COL4A2: variants seen among roughly 807,000 people sequenced by gnomAD.
COL4A2 encodes collagen alpha-2(IV) chain.
A neutral mutation model predicts 200.2 loss-of-function variants in COL4A2; 99 were observed. The observed-to-expected ratio is 0.49, with a 90% CI of 0.42 to 0.58. The LOEUF is 0.58. Ranked by LOEUF, COL4A2 falls within the 20% of genes least tolerant of loss-of-function variation. COL4A2 has a pLI of 0.00. For synonymous variants in COL4A2, 897 were observed against 900.6 expected (o/e 1.00, Z 0.07); for missense variants, 1,950 against 2,314.1 (o/e 0.84, Z 3.23).
chr13:110,457,416 C>T lies in COL4A2; in HGVS notation c.1413C>T (p.Arg471=), dbSNP rs1286043756. ...FPGLPGSPGA[R]GPKGWKGDAG... ...GGCTTCCCGGCTCCCCTGGAGCCCGCGGACCAAAGGGGTGGAAAGGTAAGA... is the reference window on the plus strand; with the variant it reads ...GGCTTCCCGGCTCCCCTGGAGCCCGTGGACCAAAGGGGTGGAAAGGTAAGA... The change falls in exon 21 of 48, where the codon CGC becomes CGT. Residue 471 remains arginine, a synonymous_variant. Coordinates refer to ENST00000360467, the MANE Select transcript of COL4A2 (RefSeq NM_001846.4). The T allele has an allele frequency of 1.1e-5, 17 of 1,605,932 alleles. No individual in the cohort carries two copies. The highest frequency in any genetic ancestry group is 4.0e-5 in the African/African-American group (3 of 74,718).
chr13:110,466,240 T>C (rs968419923), intron 26 of COL4A2, among the ~76,000 whole-genome samples, 178 bp downstream of exon 26: 2 of 152,182 alleles, frequency 1.3e-5, no homozygotes, highest in Admixed American at 1.3e-4. Flanking sequence ...AATGACAACC[T>C]GGTAGAGACG....
At chr13:110,326,186 A>G (rs1885406557) in intron 3 of COL4A2, among the ~76,000 whole-genome samples, 1 of 152,186 alleles carries the variant, frequency 6.6e-6, no homozygotes, top group Non-Finnish European at 1.5e-5. Context: ...CATCTCCATC[A>G]GTCCCTGTGG....
At chr13:110,501,026 A>G (rs954247230) in intron 40 of COL4A2, among the ~76,000 whole-genome samples, 4 of 152,198 alleles carry the variant, frequency 2.6e-5, no homozygotes, top group Non-Finnish European at 4.4e-5. Context: ...CTGCAGCAAG[A>G]AGGCAGGAGC....
chr13:110,501,381 A>G (rs1266411206), intron 40 of COL4A2, among the ~76,000 whole-genome samples: 2 of 152,132 alleles, frequency 1.3e-5, no homozygotes, highest in Non-Finnish European at 2.9e-5. Flanking sequence ...ATGATCGGGC[A>G]GCGCCTTGGG....
intron 30 of COL4A2, among the ~76,000 whole-genome samples, chr13:110,479,034 C>A (rs935206940): frequency 6.6e-6 from 1 of 152,216 alleles, no homozygotes; most frequent in African/African-American, 2.4e-5. Context: ...TGTCCAAGAG[C>A]TGGGGGCTGG....
At position 110,328,751 on chromosome 13, in the gene COL4A2, C is replaced by T. The variant is rs74124291; in HGVS notation, c.99+20628C>T. On this transcript the variant is annotated intron_variant, in intron 3 of 47. Transcript: ENST00000360467. ...GACGCCCAGAGAGACGGGCGGGCTC[C>T]GTCACCCAGCAGCGTCTCCTAGCAG... 3.3e-3 allele frequency among the ~76,000 whole-genome samples: 510 copies of T among 152,300 alleles called. 2 individuals carry two copies. Among genetic ancestry groups the T allele is most frequent in the African/African-American group, 0.011 (447 of 41,568 alleles).
At chr13:110,409,257 CT>C (rs1333963596) in intron 4 of COL4A2, among the ~76,000 whole-genome samples, 9 of 152,186 alleles carry the variant, frequency 5.9e-5, no homozygotes, top group Non-Finnish European at 1.0e-4. Flanking sequence ...ACGGGTGAAG[CT>C]TTCTAGGAAT....
At chr13:110,378,528 G>T (rs966127329) in intron 4 of COL4A2, among the ~76,000 whole-genome samples, 4 of 152,288 alleles carry the variant, frequency 2.6e-5, no homozygotes, top group Middle Eastern at 3.4e-3. Flanking sequence ...GAAAGATTCT[G>T]GAATTACAGC....
chr13:110,321,208 G>A (rs200201503), intron 3 of COL4A2, among the ~76,000 whole-genome samples: 204 of 146,668 alleles, frequency 1.4e-3, no homozygotes, highest in East Asian at 6.7e-3. Context: ...GTGTCTGTGT[G>A]TATATATATA....
At chr13:110,337,130 G>A (rs1261813508) in intron 3 of COL4A2, among the ~76,000 whole-genome samples, 1 of 152,198 alleles carries the variant, frequency 6.6e-6, no homozygotes, top group East Asian at 1.9e-4. Flanking sequence ...TATAATATAT[G>A]CTCACTGCAT....
chr13:110,340,412 A>G (rs1242283626), intron 3 of COL4A2, among the ~76,000 whole-genome samples: 1 of 152,248 alleles, frequency 6.6e-6, no homozygotes, highest in African/African-American at 2.4e-5. Context: ...CATGGTCCTC[A>G]TGTAAGCTGA....
chr13:110,478,892 C>G (rs972222672), intron 30 of COL4A2, among the ~76,000 whole-genome samples: 2 of 152,252 alleles, frequency 1.3e-5, no homozygotes, highest in African/African-American at 4.8e-5. Flanking sequence ...TGGAAACTCT[C>G]AATCTTACTA....
chr13:110,413,370 G>A (rs746418438), intron 4 of COL4A2, among the ~76,000 whole-genome samples: 41 of 152,184 alleles, frequency 2.7e-4, no homozygotes, highest in South Asian at 2.1e-4. Context: ...GCGGTCTCAC[G>A]TGAAATGTGG....
chr13:110,469,359 G>A, intron 28 of COL4A2, 35 bp downstream of exon 28: 3 of 1,547,608 alleles, frequency 1.9e-6, no homozygotes, highest in Non-Finnish European at 2.6e-6. Flanking sequence ...CAGCCCCTGG[G>A]TTCCAGCGGG....
At chr13:110,482,977 C>T (rs1419834621) in intron 32 of COL4A2, among the ~76,000 whole-genome samples, 5 of 152,110 alleles carry the variant, frequency 3.3e-5, no homozygotes, top group South Asian at 2.1e-4. Context: ...GAAGAGGGGG[C>T]GGTGAAAAGC....
At position 110,388,041 on chromosome 13, in the gene COL4A2, G is replaced by C. The variant is rs376454123; in HGVS notation, c.180+30489G>C. Reference sequence around the variant, plus strand: ...CTGCATGACTGAAAATGGACTAAATGATGATTATGTTAAGAAGACTTGACA... The same window carrying C: ...CTGCATGACTGAAAATGGACTAAATCATGATTATGTTAAGAAGACTTGACA... On this transcript the variant is annotated intron_variant, in intron 4 of 47. Transcript: ENST00000360467. Among the ~76,000 whole-genome samples, 21 of 152,252 alleles carry C rather than the reference G, an allele frequency of 1.4e-4. 1 individual carries two copies. Among genetic ancestry groups the C allele is most frequent in the East Asian group, 9.6e-4 (5 of 5,182 alleles).
intron 22 of COL4A2, among the ~76,000 whole-genome samples, chr13:110,461,491 T>C (rs999117890): frequency 6.6e-6 from 1 of 152,266 alleles, no homozygotes; most frequent in African/African-American, 2.4e-5. Context: ...CACCTGTGGC[T>C]ACTTCCACTG....
At chr13:110,393,133 C>G (rs1319768394) in intron 4 of COL4A2, among the ~76,000 whole-genome samples, 1 of 152,192 alleles carries the variant, frequency 6.6e-6, no homozygotes, top group East Asian at 1.9e-4. Flanking sequence ...GGCTTCAAAT[C>G]CCTTCTGGCA....
intron 31 of COL4A2, among the ~76,000 whole-genome samples, chr13:110,481,758 A>T (rs61970302): frequency 0.06 from 280 of 4,652 alleles, 13 homozygotes; most frequent in Middle Eastern, 0.5. Context: ...GGAGACACAC[A>T]GTTCTGTCCC....
Sources: gnomAD v4.1 joint callset for allele counts (sites outside exome capture counted in the v4.1 genomes callset) on GRCh38, gnomAD v4.1.1 for gene constraint, MANE v1.5 for transcripts, NCBI Gene and HGNC (gene_info 2026-07-23, HGNC 2026-07-21) for gene names.